The following ATG13 variants were observed in gnomAD, a reference collection of about 807,000 sequenced individuals.
The protein encoded by ATG13 is autophagy related 13.
A neutral mutation model predicts 65.5 loss-of-function variants in ATG13; 23 were observed. The ratio of observed to expected loss-of-function variants is 0.35; its 90% confidence interval spans 0.25 to 0.50. The LOEUF (loss-of-function observed/expected upper bound fraction) is 0.50, where lower values mean the gene tolerates loss of function less well. Among genes scored for constraint, ATG13 ranks in the 20% least tolerant of loss-of-function variants. ATG13 has a pLI of 0.98. For synonymous variants in ATG13, 252 were observed against 245.2 expected, an observed-to-expected ratio of 1.03 and a Z score of -0.26; for missense variants, 566 against 677.0, an observed-to-expected ratio of 0.84 and a Z score of 1.82.
In ATG13 at chr11:46,617,696, C is replaced by G. The variant is rs28365974; in HGVS notation, c.-264C>G. On this transcript the variant is annotated 5_prime_UTR_variant, in exon 1 of 19. Transcript: ENST00000683050. ...CAGTCGACGTGGGTGCGACAACTCG[C>G]GGAGTCTTAGGAGCAAAACGTCTGG... The G allele has an allele frequency of 6.7e-4, 267 of 397,106 alleles. 1 individual carries two copies. In the East Asian group the frequency reaches 8.4e-3, roughly 12 times the overall value. 24.6% of individuals were successfully genotyped at this position (397,106 alleles called of 1,614,324 possible). A position where few individuals can be genotyped will look rare whatever the true frequency, so the allele number is the denominator to read the frequency against.
chr11:46,650,375 G>A, intron 7 of ATG13, 58 bp downstream of exon 7: 1 of 1,562,040 alleles, frequency 6.4e-7, no homozygotes, highest in Non-Finnish European at 8.7e-7. Flanking sequence ...TTTGTACATT[G>A]TCTGGCATTT....
intron 2 of ATG13, among the ~76,000 whole-genome samples, chr11:46,638,894 G>A (rs1327623686): frequency 2.0e-5 from 3 of 151,968 alleles, no homozygotes; most frequent in Non-Finnish European, 4.4e-5. Context: ...TGCAACCTCC[G>A]CCTCCCAGGT....
chr11:46,665,294 CA>C lies in ATG13; in HGVS notation c.1000-85del, dbSNP rs2062050790. ...GTGGCAGCGTTGGTGATGGAAAAGTCAAAAGCAGATACCATCATGCTAGAAT... is the reference window on the plus strand; with the variant it reads ...GTGGCAGCGTTGGTGATGGAAAAGTCAAAGCAGATACCATCATGCTAGAAT... On this transcript the variant is annotated intron_variant, in intron 13 of 18. Transcript: ENST00000683050. The C allele has an allele frequency of 2.0e-6, 3 of 1,501,550 alleles. No homozygotes were observed. The African/African-American group carries it at 4.2e-5, about 21-fold the overall frequency. 93.0% of individuals were successfully genotyped at this position (1,501,550 alleles called of 1,614,324 possible). A position where few individuals can be genotyped will look rare whatever the true frequency, so the allele number is the denominator to read the frequency against.
chr11:46,620,877 T>C (rs545300897), intron 1 of ATG13, among the ~76,000 whole-genome samples: 110 of 152,308 alleles, frequency 7.2e-4, no homozygotes, highest in African/African-American at 2.4e-3. Flanking sequence ...TCATAACTTA[T>C]AGAAACCTCC....
chr11:46,669,381 C>A, intron 17 of ATG13, 23 bp from the exon 18 acceptor site: 1 of 1,613,436 alleles, frequency 6.2e-7, no homozygotes, highest in South Asian at 1.1e-5. Flanking sequence ...GCAAGCTAAA[C>A]TGACTCTGTC....
At chr11:46,637,121 CTT>C (rs1280340411) in intron 2 of ATG13, among the ~76,000 whole-genome samples, 2 of 152,118 alleles carry the variant, frequency 1.3e-5, no homozygotes, top group African/African-American at 4.8e-5. Context: ...CATGAGGAAA[CTT>C]TTGGGAACTA....
chr11:46,648,157 A>C (rs1476741942), intron 5 of ATG13, among the ~76,000 whole-genome samples: 1 of 148,112 alleles, frequency 6.8e-6, no homozygotes, highest in East Asian at 2.0e-4. Flanking sequence ...GTGCAGTGGC[A>C]CGATCTTGGC....
chr11:46,629,445 G>A (rs1591530760), intron 1 of ATG13, among the ~76,000 whole-genome samples: 2 of 152,140 alleles, frequency 1.3e-5, no homozygotes, highest in African/African-American at 4.8e-5. Flanking sequence ...TTGCCAGGCT[G>A]GAGTGCAATT....
At chr11:46,668,470 A>G (rs761486616) in intron 15 of ATG13, 29 bp from the exon 16 acceptor site, 1 of 1,605,304 alleles carries the variant, frequency 6.2e-7, no homozygotes, top group Non-Finnish European at 8.5e-7. Flanking sequence ...AGGGGCAGGC[A>G]TGAATGCTTT....
chr11:46,657,700 T>C, intron 10 of ATG13, 78 bp downstream of exon 10: 1 of 1,309,294 alleles, frequency 7.6e-7, no homozygotes, highest in African/African-American at 1.5e-5. Flanking sequence ...ATGGAACACT[T>C]TTCTCAGCAC....
chr11:46,647,317 G>T (rs1440987025), intron 5 of ATG13, among the ~76,000 whole-genome samples: 54 of 144,340 alleles, frequency 3.7e-4, no homozygotes, highest in African/African-American at 1.4e-3. Context: ...AGACAGAGTC[G>T]CGTAGGTTGG....
intron 7 of ATG13, among the ~76,000 whole-genome samples, chr11:46,651,655 G>A (rs2058925431): frequency 6.6e-6 from 1 of 152,214 alleles, no homozygotes; most frequent in Non-Finnish European, 1.5e-5. Flanking sequence ...GACCAAAGGA[G>A]GAGAGACTTA....
chr11:46,656,287 G>A lies in ATG13; in HGVS notation c.499+14G>A. On this transcript the variant is annotated intron_variant, in intron 8 of 18. Coordinates refer to ENST00000683050, the MANE Select transcript of ATG13 (RefSeq NM_001346311.2). ...GCTTAGGAGAAGGTATGTATCAACGGTTGAAAAACATCGTAGTGTTCAGAG... is the reference window on the plus strand; with the variant it reads ...GCTTAGGAGAAGGTATGTATCAACGATTGAAAAACATCGTAGTGTTCAGAG... 1 of 1,608,058 alleles carries A rather than the reference G, an allele frequency of 6.2e-7. No homozygotes were observed. Among genetic ancestry groups the A allele is most frequent in the Non-Finnish European group, 8.5e-7 (1 of 1,174,584 alleles).
At chr11:46,634,121 G>T (rs1223010716) in intron 2 of ATG13, among the ~76,000 whole-genome samples, 1 of 151,356 alleles carries the variant, frequency 6.6e-6, no homozygotes, top group Non-Finnish European at 1.5e-5. Flanking sequence ...TTTTGAGATG[G>T]AGTCTTGCTC....
chr11:46,664,848 G>T lies in ATG13; in HGVS notation c.889-1G>T. On this transcript the variant is annotated splice_acceptor_variant, in intron 12 of 18. Transcript: ENST00000683050. LOFTEE classifies it high-confidence loss of function. Reference sequence around the variant, plus strand: ...CTCCTCTTTGTTTTTCTCTTGCTTAGCTCTCAAGCTCTCGCCTTTCCTATC... The same window carrying T: ...CTCCTCTTTGTTTTTCTCTTGCTTATCTCTCAAGCTCTCGCCTTTCCTATC... 6.2e-7 allele frequency: 1 copy of T among 1,612,890 alleles called. No homozygotes were observed. The highest frequency in any genetic ancestry group is 8.5e-7 in the Non-Finnish European group (1 of 1,179,086).
intron 1 of ATG13, chr11:46,618,203 G>A (rs1251175211): frequency 3.6e-6 from 1 of 278,544 alleles, no homozygotes; most frequent in African/African-American, 2.2e-5. Context: ...ATATGAGTGA[G>A]GTAGGTTTTC....
chr11:46,659,189 A>T (rs925729748), intron 10 of ATG13: 12 of 520,428 alleles, frequency 2.3e-5, no homozygotes, highest in Non-Finnish European at 4.1e-5. Flanking sequence ...ATGAGAAACA[A>T]GAACAAAACA....
In ATG13 at chr11:46,668,889, TGACTTTGTTATGATA is replaced by T. The variant is rs779727148; in HGVS notation, c.1434_1446+2del. ...GGGGCAGCAGTGGCAATACCCATGA[TGACTTTGTTATGATA>T]GACTTTGTAAGTCGCCGTCACCTTC... On this transcript the variant is annotated inframe_deletion, in exon 17 of 19. Transcript: ENST00000683050. 6.2e-7 allele frequency: 1 copy of T among 1,613,796 alleles called. No homozygotes were observed. The highest frequency in any genetic ancestry group is 2.2e-5 in the East Asian group (1 of 44,884).
At position 46,672,381 on chromosome 11, in the gene ATG13, T is replaced by G. The variant is rs748069350; in HGVS notation, c.*49T>G. 14 of 1,613,476 alleles carry G rather than the reference T, an allele frequency of 8.7e-6. No individual in the cohort carries two copies. Among genetic ancestry groups the G allele is most frequent in the Non-Finnish European group, 1.2e-5 (14 of 1,179,608 alleles). On this transcript the variant is annotated 3_prime_UTR_variant, in exon 19 of 19. Coordinates refer to ENST00000683050, the MANE Select transcript of ATG13 (RefSeq NM_001346311.2). ...ACCCCCTTTTTGTGGCCCCAGGGCATAAGCAGCCTCCCATGCATCAGCTGC... is the reference window on the plus strand; with the variant it reads ...ACCCCCTTTTTGTGGCCCCAGGGCAGAAGCAGCCTCCCATGCATCAGCTGC...
Sources: gnomAD v4.1 joint callset for allele counts (sites outside exome capture counted in the v4.1 genomes callset) on GRCh38, gnomAD v4.1.1 for gene constraint, MANE v1.5 for transcripts, NCBI Gene and HGNC (gene_info 2026-07-23, HGNC 2026-07-21) for gene names.